Variants in PLEKHG7 observed in about 807,000 individuals in gnomAD.
PLEKHG7 encodes pleckstrin homology domain-containing family G member 7.
PLEKHG7 carries 77 observed loss-of-function variants against 85.2 expected under a neutral mutation model. The observed-to-expected ratio is 0.90, with a 90% CI of 0.75 to 1.09. The LOEUF (loss-of-function observed/expected upper bound fraction) is 1.09. Among genes scored for constraint, PLEKHG7 ranks in the 50% least tolerant of loss-of-function variants. The pLI is 0.00. For missense variants in PLEKHG7, 777 were observed against 804.3 expected, an observed-to-expected ratio of 0.97 and a Z score of 0.41; for synonymous variants, 301 against 302.4, an observed-to-expected ratio of 1.00 and a Z score of 0.05.
intron 13 of PLEKHG7, among the ~76,000 whole-genome samples, chr12:92,760,498 T>TAA (rs1191069124): frequency 6.6e-6 from 1 of 152,116 alleles, no homozygotes; most frequent in East Asian, 1.9e-4. Context: ...TAAAAACATA[T>TAA]AAGAAAGAAC....
Position 92,707,214 on chromosome 12 carries a change from C to T in PLEKHG7, c.507+76C>T, listed in dbSNP as rs888718458. 6.0e-6 allele frequency: 9 copies of T among 1,509,760 alleles called. No homozygotes were observed. The African/African-American group carries it at 9.8e-5, about 16-fold the overall frequency. 93.5% of individuals were successfully genotyped at this position (1,509,760 alleles called of 1,614,324 possible). ...AATAGATCTCAGAGTTGCTTAGTTC[C>T]CCCAAGGGCCAGTAGATCCTAAAAA... On this transcript the variant is annotated intron_variant, in intron 2 of 16. Coordinates refer to ENST00000344636, the MANE Select transcript of PLEKHG7 (RefSeq NM_001377329.1).
At chr12:92,725,368 T>C (rs913732875) in intron 3 of PLEKHG7, among the ~76,000 whole-genome samples, 1 of 152,200 alleles carries the variant, frequency 6.6e-6, no homozygotes, top group African/African-American at 2.4e-5. Flanking sequence ...GAGAATCCTC[T>C]GAGGTGTCTT....
chr12:92,707,962 T>A, intron 3 of PLEKHG7: 1 of 468,584 alleles, frequency 2.1e-6, no homozygotes, highest in Non-Finnish European at 3.8e-6. Context: ...CACTTAGTAA[T>A]AGGTTTTGTC....
At chr12:92,724,682 GA>G (rs1871746909) in intron 3 of PLEKHG7, among the ~76,000 whole-genome samples, 2 of 152,230 alleles carry the variant, frequency 1.3e-5, no homozygotes, top group African/African-American at 4.8e-5. Context: ...CGAACAGCAA[GA>G]AGGCAAAGGA....
At chr12:92,716,168 C>T (rs1272646928) in intron 3 of PLEKHG7, among the ~76,000 whole-genome samples, 1 of 152,096 alleles carries the variant, frequency 6.6e-6, no homozygotes, top group Non-Finnish European at 1.5e-5. Context: ...ACAATCTCAG[C>T]TCACTGAAAT....
chr12:92,758,901 G>A (rs1872909790), intron 13 of PLEKHG7, among the ~76,000 whole-genome samples: 2 of 152,232 alleles, frequency 1.3e-5, no homozygotes, highest in South Asian at 4.1e-4. Context: ...AAGATCAAGT[G>A]AGGAAACAGG....
chr12:92,730,922 G>A (rs146565749), intron 4 of PLEKHG7, among the ~76,000 whole-genome samples: 40 of 152,302 alleles, frequency 2.6e-4, no homozygotes, highest in Non-Finnish European at 5.4e-4. Flanking sequence ...CAGGAGTTTA[G>A]AATAGAGGCC....
chr12:92,753,090 G>A (rs1054553369), intron 10 of PLEKHG7, among the ~76,000 whole-genome samples: 1 of 152,094 alleles, frequency 6.6e-6, no homozygotes, highest in Non-Finnish European at 1.5e-5. Flanking sequence ...GCAGTTTTTG[G>A]CGTTAAAAGT....
intron 10 of PLEKHG7, among the ~76,000 whole-genome samples, chr12:92,753,551 G>A (rs1592686001): frequency 1.3e-5 from 2 of 152,062 alleles, no homozygotes; most frequent in East Asian, 3.9e-4. Context: ...ATTGAAAATT[G>A]TCCGCATCTC....
chr12:92,754,469 T>G (rs1872773747), intron 11 of PLEKHG7, among the ~76,000 whole-genome samples: 1 of 152,160 alleles, frequency 6.6e-6, no homozygotes, highest in Non-Finnish European at 1.5e-5. Flanking sequence ...CTATGAGAAC[T>G]CTAGCACCAA....
At chr12:92,731,881 A>T (rs1193268599) in intron 4 of PLEKHG7, among the ~76,000 whole-genome samples, 1 of 152,182 alleles carries the variant, frequency 6.6e-6, no homozygotes, top group Non-Finnish European at 1.5e-5. Context: ...TTAGCCCCAG[A>T]GTGCTTTGGC....
rs1872514581 is a variant in PLEKHG7 at position 92,745,597 on chromosome 12, G to A, written c.1251+6G>A. 1.3e-6 allele frequency: 2 copies of A among 1,590,190 alleles called. No homozygotes were observed. Among genetic ancestry groups the A allele is most frequent in the African/African-American group, 1.3e-5 (1 of 74,396 alleles). The stretch of plus-strand genomic sequence containing the variant: ...ACTTTGGAATTTATTTAAAAGTAAA[G>A]TATCATTTTCTTTTCTTTTGTATTT... On this transcript the variant is annotated splice_donor_region_variant and intron_variant, in intron 10 of 16. Coordinates refer to ENST00000344636, the MANE Select transcript of PLEKHG7 (RefSeq NM_001377329.1).
chr12:92,756,333 AAAC>A lies in PLEKHG7; in HGVS notation c.1580_1582del (p.Asn527del), dbSNP rs1565796152. On this transcript the variant is annotated inframe_deletion, in exon 13 of 17. Transcript: ENST00000344636. ...ACATTTTTAAAGAACACATGGCAGAAAACATCTTGTCACCAACCAGCAGACACC... is the reference window on the plus strand; with the variant it reads ...ACATTTTTAAAGAACACATGGCAGAAATCTTGTCACCAACCAGCAGACACC... 1 of 1,612,994 alleles carries A rather than the reference AAAC, an allele frequency of 6.2e-7. No homozygotes were observed. Among genetic ancestry groups the A allele is most frequent in the Admixed American group, 1.7e-5 (1 of 60,026 alleles).
chr12:92,712,996 T>C (rs1342404431), intron 3 of PLEKHG7, among the ~76,000 whole-genome samples: 1 of 152,092 alleles, frequency 6.6e-6, no homozygotes, highest in Non-Finnish European at 1.5e-5. Flanking sequence ...CATTTCCCTT[T>C]CCCCAGTACA....
At chr12:92,720,469 G>A (rs760840451) in intron 3 of PLEKHG7, among the ~76,000 whole-genome samples, 119 of 152,142 alleles carry the variant, frequency 7.8e-4, no homozygotes, top group African/African-American at 2.8e-3. Flanking sequence ...GGGACTACAG[G>A]CGTGCGCCAC....
At chr12:92,763,391 C>T (rs1038700385) in intron 14 of PLEKHG7, among the ~76,000 whole-genome samples, 1 of 152,130 alleles carries the variant, frequency 6.6e-6, no homozygotes, top group Non-Finnish European at 1.5e-5. Flanking sequence ...TCTCATTCAT[C>T]GAACTCAATA....
Position 92,770,431 on chromosome 12 carries a change from C to T in PLEKHG7, c.*236C>T. 1 of 418,856 alleles carries T rather than the reference C, an allele frequency of 2.4e-6. No homozygotes were observed. The highest frequency in any genetic ancestry group is 4.2e-6 in the Non-Finnish European group (1 of 237,266). 25.9% of individuals were successfully genotyped at this position (418,856 alleles called of 1,614,324 possible). On this transcript the variant is annotated 3_prime_UTR_variant, in exon 17 of 17. Transcript: ENST00000344636. ...TATATACTGACATCCAGATTACCTTCTAATGCTTCCGTCAGGTTTGTAAGA... is the reference window on the plus strand; with the variant it reads ...TATATACTGACATCCAGATTACCTTTTAATGCTTCCGTCAGGTTTGTAAGA...
chr12:92,761,837 ATGC>A lies in PLEKHG7; in HGVS notation c.1716+11_1716+13del. On this transcript the variant is annotated splice_region_variant and intron_variant, in intron 14 of 16. Transcript: ENST00000344636. ...AAACTAAGTGCAACAAAAAGGTAAA[ATGC>A]TGCTATTTCAAAGTACGTTTCTAAA... 2 of 1,569,096 alleles carry A rather than the reference ATGC, an allele frequency of 1.3e-6. No homozygotes were observed. Among genetic ancestry groups the A allele is most frequent in the South Asian group, 2.4e-5 (2 of 82,472 alleles).
At chr12:92,717,979 A>C (rs541977965) in intron 3 of PLEKHG7, among the ~76,000 whole-genome samples, 1 of 152,206 alleles carries the variant, frequency 6.6e-6, no homozygotes, top group Non-Finnish European at 1.5e-5. Context: ...TAAGTCATTG[A>C]CTTATCCTTT....
Sources: allele counts gnomAD v4.1 joint callset (sites outside exome capture counted in the v4.1 genomes callset), GRCh38; gene constraint gnomAD v4.1.1; transcripts MANE v1.5; gene names NCBI Gene and HGNC (gene_info 2026-07-23, HGNC 2026-07-21).